MRM2: variants seen among roughly 807,000 people sequenced by gnomAD.
MRM2 encodes mitochondrial rRNA methyltransferase 2, also known as rRNA methyltransferase 2, mitochondrial.
In MRM2, 15 loss-of-function variants were observed where a neutral mutation model predicts 10.9. The observed-to-expected ratio is 1.37, with a 90% CI of 0.92 to 2.11. The LOEUF is 2.11. Ranked by LOEUF, MRM2 falls within the 30% of genes most tolerant of loss-of-function variation. MRM2 has a pLI of 0.00. For synonymous variants in MRM2, 139 were observed against 128.7 expected (o/e 1.08, Z -0.54); for missense variants, 328 against 321.3 (o/e 1.02, Z -0.16).
At chr7:2,241,913 C>G (rs150588075) in intron 1 of MRM2, 29 of 460,058 alleles carry the variant, frequency 6.3e-5, no homozygotes, top group Non-Finnish European at 9.2e-5. Context: ...CTGCGCCCCC[C>G]ACCTGGACTC....
intron 2 of MRM2, chr7:2,237,891 C>CAAAAAAA (rs11323829): frequency 2.6e-3 from 213 of 81,514 alleles, no homozygotes; most frequent in Middle Eastern, 7.9e-3. Context: ...GCTCTATAAA[C>CAAAAAAA]AAAAAAAAAA....
rs772916415 is a variant in MRM2, at chr7:2,235,541, C to T, written c.322G>A (p.Val108Met). 37 of 1,611,682 alleles carry T rather than the reference C, an allele frequency of 2.3e-5. No individual in the cohort carries two copies. Among genetic ancestry groups the T allele is most frequent in the Non-Finnish European group, 3.0e-5 (35 of 1,178,728 alleles). ...ATGTGAAGAAGATCTACCCCAAGCA[C>T]GAAGCCAACAGGAGAGCTGGGATCT... Reference protein sequence around the residue: ...GTDPSSPVGFVLGVDLLHIFP... With the variant: ...GTDPSSPVGFMLGVDLLHIFP... Residue 108 changes from valine to methionine, a missense_variant, in exon 3 of 3, where the codon GTG becomes ATG. Transcript: ENST00000242257.
intron 1 of MRM2, 66 bp downstream of exon 1, chr7:2,242,096 A>C: frequency 6.5e-7 from 1 of 1,545,244 alleles, no homozygotes; most frequent in South Asian, 1.2e-5. Flanking sequence ...AGGACCGAGG[A>C]AGGCGACCGG....
Position 2,242,191 on chromosome 7 carries a change from CG to C in MRM2, c.-23del. Reference sequence around the variant, plus strand: ...CCATTGGTGTTCCCCGCGCCTGCAGCGCGCCGCCGGAAGTGCCTGGCCTCAC... The same window carrying C: ...CCATTGGTGTTCCCCGCGCCTGCAGCCGCCGCCGGAAGTGCCTGGCCTCAC... On this transcript the variant is annotated 5_prime_UTR_variant, in exon 1 of 3. Coordinates refer to ENST00000242257, the MANE Select transcript of MRM2 (RefSeq NM_013393.3). 1 of 1,575,024 alleles carries C rather than the reference CG, an allele frequency of 6.3e-7. No individual in the cohort carries two copies. Among genetic ancestry groups the C allele is most frequent in the Non-Finnish European group, 8.6e-7 (1 of 1,166,352 alleles).
chr7:2,237,231 C>T (rs1292145776), intron 2 of MRM2, among the ~76,000 whole-genome samples: 32 of 152,342 alleles, frequency 2.1e-4, no homozygotes, highest in Non-Finnish European at 1.5e-4. Context: ...AACTCCTGAC[C>T]TCAGGTGATC....
chr7:2,239,528 A>G lies in MRM2; in HGVS notation c.188T>C (p.Val63Ala). 6.2e-7 allele frequency: 1 copy of G among 1,613,784 alleles called. No individual in the cohort carries two copies. The highest frequency in any genetic ancestry group is 8.5e-7 in the Non-Finnish European group (1 of 1,179,990). Residue 63 changes from valine to alanine, a missense_variant, in exon 2 of 3, where the codon GTG (valine) becomes GCG (alanine). Physicochemically the swap from Val to Ala is moderately conservative, Grantham distance 64. Coordinates refer to ENST00000242257, the MANE Select transcript of MRM2 (RefSeq NM_013393.3). Reference protein sequence around the residue: ...RCRSAFKLLEVNERHQILRPG... With the variant: ...RCRSAFKLLEANERHQILRPG... ...CCGCAGAATCTGGTGCCTCTCGTTC[A>G]CCTCCAGGAGCTTGAAGGCGCTTCG...
upstream of MRM2, chr7:2,242,205 TGCCTGGCCTCACTTCCG>T: frequency 6.4e-7 from 1 of 1,565,960 alleles, no homozygotes; most frequent in African/African-American, 1.4e-5. Flanking sequence ...CCGCCGGAAG[TGCCTGGCCTCACTTCCG>T]GTCAGAGGCC....
chr7:2,235,166 A>G lies in MRM2; in HGVS notation c.697T>C (p.Leu233=). 1 of 1,614,178 alleles carries G rather than the reference A, an allele frequency of 6.2e-7. No homozygotes were observed. The highest frequency in any genetic ancestry group is 2.2e-5 in the East Asian group (1 of 44,880). Residue 233 remains leucine, a synonymous_variant, in exon 3 of 3, where the codon TTG becomes CTG. Transcript: ENST00000242257. ...TTCCTTCCGTGGTACTGTGTGGCCAAGAAGTACACTTCTGATGACTCTTTC... is the reference window on the plus strand; with the variant it reads ...TTCCTTCCGTGGTACTGTGTGGCCAGGAAGTACACTTCTGATGACTCTTTC... The part of the protein sequence containing the change: ...SRKESSEVYF[L]ATQYHGRKGT...
intron 1 of MRM2, chr7:2,240,355 C>T (rs1794498836): frequency 2.2e-6 from 1 of 448,774 alleles, no homozygotes. Flanking sequence ...GACCTAGTTC[C>T]AGGGCTTTGA....
chr7:2,239,198 C>A (rs755343469), intron 2 of MRM2: 1 of 783,988 alleles, frequency 1.3e-6, no homozygotes, highest in Admixed American at 1.7e-5. Flanking sequence ...CGGTCTCATG[C>A]GAGGTGATTT....
In MRM2 at chr7:2,234,961, T is replaced by C. The variant is rs118096854; in HGVS notation, c.*161A>G. On this transcript the variant is annotated 3_prime_UTR_variant, in exon 3 of 3. Coordinates refer to ENST00000242257, the MANE Select transcript of MRM2 (RefSeq NM_013393.3). ...TGAACTTAGTTTTGTCATCTCTTTT[T>C]GGTTAAAAAGAGAGAGAGAGAAAGA... 3 of 613,294 alleles carry C rather than the reference T, an allele frequency of 4.9e-6. No homozygotes were observed. Among genetic ancestry groups the C allele is most frequent in the African/African-American group, 3.7e-5 (2 of 54,218 alleles). The allele number at this position is 613,294 out of a possible 1,614,324, so 38.0% of individuals were successfully genotyped here.
Position 2,235,192 on chromosome 7 carries a change from C to T in MRM2, c.671G>A (p.Arg224Lys), listed in dbSNP as rs1794395804. The T allele has an allele frequency of 1.2e-6, 2 of 1,613,996 alleles. No individual in the cohort carries two copies. The change falls in exon 3 of 3, where the codon AGG (arginine) becomes AAG (lysine). Residue 224 changes from arginine (R) to lysine (K), a missense_variant. Transcript: ENST00000242257. ...GAAGTACACTTCTGATGACTCTTTC[C>T]TGCTGGCTTCAGGTTTGATGATCCT... ...NVRIIKPEASRKESSEVYFLA... is the reference protein window; with the variant it reads ...NVRIIKPEASKKESSEVYFLA...
chr7:2,239,384 G>GC lies in MRM2; in HGVS notation c.298+33dup, dbSNP rs1432162570. 3.8e-6 allele frequency: 6 copies of GC among 1,576,274 alleles called. No homozygotes were observed. In the African/African-American group the frequency reaches 8.1e-5, roughly 21 times the overall value. ...CCCATGCCCACTCAGCCTCAGGGGA[G>GC]CCAGAAGGTGCCAACAGCAGTGCAG... On this transcript the variant is annotated intron_variant, in intron 2 of 2. Coordinates refer to ENST00000242257, the MANE Select transcript of MRM2 (RefSeq NM_013393.3).
At chr7:2,241,811 A>G (rs898107638) in intron 1 of MRM2, among the ~76,000 whole-genome samples, 1 of 152,214 alleles carries the variant, frequency 6.6e-6, no homozygotes, top group African/African-American at 2.4e-5. Flanking sequence ...CCCACTCGAC[A>G]GCCCAGGAAG....
chr7:2,240,005 G>C (rs1363846830), intron 1 of MRM2, among the ~76,000 whole-genome samples: 1 of 152,166 alleles, frequency 6.6e-6, no homozygotes, highest in African/African-American at 2.4e-5. Flanking sequence ...CTGAGGTCAG[G>C]ATTTCGAGAC....
Position 2,235,221 on chromosome 7 carries a change from A to C in MRM2, c.642T>G (p.Asn214Lys), listed in dbSNP as rs1370783774. The C allele has an allele frequency of 6.2e-7, 1 of 1,613,982 alleles. No individual in the cohort carries two copies. Among genetic ancestry groups the C allele is most frequent in the Admixed American group, 1.7e-5 (1 of 60,002 alleles). Reference protein sequence around the residue: ...LQRRLTEEFQNVRIIKPEASR... With the variant: ...LQRRLTEEFQKVRIIKPEASR... ...TGGCTTCAGGTTTGATGATCCTTAC[A>C]TTCTGGAATTCCTCTGTCAGTCTCC... The change falls in exon 3 of 3, where the codon AAT becomes AAG. Residue 214 changes from asparagine to lysine, a missense_variant. By Grantham distance (94) the Asn-to-Lys change is moderately conservative. Coordinates refer to ENST00000242257, the MANE Select transcript of MRM2 (RefSeq NM_013393.3).
At chr7:2,238,992 TA>T in intron 2 of MRM2, 2 of 37,156 alleles carry the variant, frequency 5.4e-5, no homozygotes, top group Non-Finnish European at 9.0e-5. Flanking sequence ...TATATATATA[TA>T]TATATATATA....
chr7:2,239,919 T>G (rs151057243), intron 1 of MRM2, among the ~76,000 whole-genome samples: 2 of 152,314 alleles, frequency 1.3e-5, no homozygotes, highest in East Asian at 3.9e-4. Context: ...TCCTAACCCT[T>G]GGTACCTCAG....
At position 2,239,693 on chromosome 7, in the gene MRM2, A is replaced by G. The variant is rs1478451740; in HGVS notation, c.23T>C (p.Val8Ala). The G allele has an allele frequency of 6.2e-7, 1 of 1,611,530 alleles. No homozygotes were observed. Among genetic ancestry groups the G allele is most frequent in the Non-Finnish European group, 8.5e-7 (1 of 1,178,110 alleles). ...CCCTTGACGCTGAAAGGAAACACAC[A>G]CCAGCTTCAAGTACCTGGTGGGAGA... The part of the protein sequence containing the change: MAGYLKL[V>A]CVSFQRQGFH... The change falls in exon 2 of 3, where the codon GTG becomes GCG. Residue 8 changes from valine to alanine, a missense_variant. By Grantham distance (64) the Val-to-Ala change is moderately conservative. Coordinates refer to ENST00000242257, the MANE Select transcript of MRM2 (RefSeq NM_013393.3).
Sources: allele counts gnomAD v4.1 joint callset (sites outside exome capture counted in the v4.1 genomes callset), GRCh38; gene constraint gnomAD v4.1.1; transcripts MANE v1.5; gene names NCBI Gene and HGNC (gene_info 2026-07-23, HGNC 2026-07-21).